Variants in ABRACL observed in about 807,000 individuals in gnomAD.
The protein encoded by ABRACL is costars family protein ABRACL.
ABRACL carries 4 observed loss-of-function variants against 7.0 expected under a neutral mutation model. That is an observed-to-expected ratio of 0.57 (90% confidence interval 0.28 to 1.30). The LOEUF is 1.30. Among genes scored for constraint, ABRACL ranks in the 50% most tolerant of loss-of-function variants. ABRACL has a pLI of 0.10. For missense variants in ABRACL, 104 were observed against 97.3 expected (o/e 1.07, Z -0.29); for synonymous variants, 30 against 36.0 (o/e 0.83, Z 0.60).
chr6:139,039,934 A>C (rs1786219699), intron 2 of ABRACL, among the ~76,000 whole-genome samples: 1 of 152,058 alleles, frequency 6.6e-6, no homozygotes, highest in Non-Finnish European at 1.5e-5. Flanking sequence ...ATTAAAAATA[A>C]AGATAAATTA....
Position 139,043,071 on chromosome 6 carries a change from T to C in ABRACL, c.*168T>C, listed in dbSNP as rs1786277825. On this transcript the variant is annotated 3_prime_UTR_variant, in exon 3 of 3. Coordinates refer to ENST00000367660, the MANE Select transcript of ABRACL (RefSeq NM_021243.3). ...TCCTTTTTTATATCTTGAAAGAAAA[T>C]CTATGTATGATGCTATAAAATAAAT... 2.0e-6 allele frequency: 1 copy of C among 500,174 alleles called. No individual in the cohort carries two copies. The highest frequency in any genetic ancestry group is 3.3e-6 in the Non-Finnish European group (1 of 300,790). 31.0% of individuals were successfully genotyped at this position (500,174 alleles called of 1,614,324 possible).
intron 1 of ABRACL, among the ~76,000 whole-genome samples, chr6:139,032,494 G>A (rs930469935): frequency 3.9e-5 from 6 of 151,996 alleles, no homozygotes; most frequent in South Asian, 2.1e-4. Context: ...TATAATATTC[G>A]CACAAGCAAC....
At chr6:139,035,230 A>G (rs1786136553) in intron 2 of ABRACL, among the ~76,000 whole-genome samples, 1 of 152,362 alleles carries the variant, frequency 6.6e-6, no homozygotes, top group Middle Eastern at 3.4e-3. Flanking sequence ...AGATTGCCAC[A>G]AATTTAGTGA....
At chr6:139,040,493 G>A (rs1043191545) in intron 2 of ABRACL, among the ~76,000 whole-genome samples, 3 of 152,120 alleles carry the variant, frequency 2.0e-5, no homozygotes, top group Admixed American at 6.5e-5. Flanking sequence ...CTCTATAAGA[G>A]GCTTTATCTT....
intron 1 of ABRACL, among the ~76,000 whole-genome samples, chr6:139,029,936 G>A (rs773288269): frequency 1.3e-5 from 2 of 152,148 alleles, no homozygotes; most frequent in Non-Finnish European, 2.9e-5. Flanking sequence ...ACATTCTAAA[G>A]TGTGTATTGG....
At chr6:139,029,126 C>T (rs1056219017) in intron 1 of ABRACL, among the ~76,000 whole-genome samples, 1 of 152,156 alleles carries the variant, frequency 6.6e-6, no homozygotes. Context: ...TTTCGCCGGC[C>T]GGGGGCGGAC....
intron 2 of ABRACL, among the ~76,000 whole-genome samples, chr6:139,036,028 C>G (rs1786151123): frequency 6.6e-6 from 1 of 151,898 alleles, no homozygotes; most frequent in Admixed American, 6.6e-5. Flanking sequence ...CGCTTGAACT[C>G]GGGAGGCGGA....
At chr6:139,033,620 C>T (rs1217124820) in intron 1 of ABRACL, among the ~76,000 whole-genome samples, 1 of 152,134 alleles carries the variant, frequency 6.6e-6, no homozygotes. Flanking sequence ...GTGCCCTACC[C>T]CACCAGTCTG....
chr6:139,038,731 AAGAC>A (rs1786201432), intron 2 of ABRACL, among the ~76,000 whole-genome samples: 2 of 152,304 alleles, frequency 1.3e-5, no homozygotes, highest in African/African-American at 4.8e-5. Flanking sequence ...AGGTAGCTGA[AAGAC>A]AGACAAACTG....
chr6:139,041,451 C>CTCTCTCTA (rs140091253), intron 2 of ABRACL, among the ~76,000 whole-genome samples: 27 of 110,036 alleles, frequency 2.5e-4, no homozygotes, highest in Non-Finnish European at 3.2e-4. Flanking sequence ...CTCTCTCTCT[C>CTCTCTCTA]TATATATATA....
intron 2 of ABRACL, among the ~76,000 whole-genome samples, chr6:139,041,794 T>C (rs1369953374): frequency 6.6e-6 from 1 of 152,128 alleles, no homozygotes; most frequent in Non-Finnish European, 1.5e-5. Context: ...AGAAAGTTAT[T>C]CTCTCTAGAA....
chr6:139,035,038 A>G (rs1404689538), intron 2 of ABRACL, among the ~76,000 whole-genome samples: 1 of 152,246 alleles, frequency 6.6e-6, no homozygotes, highest in African/African-American at 2.4e-5. Context: ...TGTAAGTGAA[A>G]AACAGTTCTA....
At chr6:139,031,535 T>C (rs1314753911) in intron 1 of ABRACL, among the ~76,000 whole-genome samples, 3 of 152,188 alleles carry the variant, frequency 2.0e-5, no homozygotes, top group Non-Finnish European at 4.4e-5. Flanking sequence ...TACCGGTTCA[T>C]GTAGTTGGAA....
intron 2 of ABRACL, among the ~76,000 whole-genome samples, chr6:139,041,208 A>G (rs1786237880): frequency 6.6e-6 from 1 of 152,026 alleles, no homozygotes; most frequent in Non-Finnish European, 1.5e-5. Flanking sequence ...CTTCCTTACC[A>G]TTCTTGCCCA....
chr6:139,035,120 G>A (rs952579437), intron 2 of ABRACL, among the ~76,000 whole-genome samples: 1 of 152,180 alleles, frequency 6.6e-6, no homozygotes, highest in African/African-American at 2.4e-5. Flanking sequence ...ATCTGTTCCT[G>A]AATCACAAAT....
intron 2 of ABRACL, among the ~76,000 whole-genome samples, chr6:139,035,572 TC>T (rs1188402135): frequency 3.3e-5 from 5 of 151,938 alleles, no homozygotes; most frequent in African/African-American, 1.2e-4. Context: ...AACCTCCGCC[TC>T]CCGGGTTCAA....
In ABRACL at chr6:139,042,999, T is replaced by C. The variant is rs1394694388; in HGVS notation, c.*96T>C. On this transcript the variant is annotated 3_prime_UTR_variant, in exon 3 of 3. Coordinates refer to ENST00000367660, the MANE Select transcript of ABRACL (RefSeq NM_021243.3). ...AACATTTGAACATACTTAATGTATTTTTATAGAACTTTGTAAACGAAAGGA... is the reference window on the plus strand; with the variant it reads ...AACATTTGAACATACTTAATGTATTCTTATAGAACTTTGTAAACGAAAGGA... 6 of 1,059,920 alleles carry C rather than the reference T, an allele frequency of 5.7e-6. No homozygotes were observed. The highest frequency in any genetic ancestry group is 6.5e-6 in the Non-Finnish European group (5 of 769,958). 65.7% of individuals were successfully genotyped at this position (1,059,920 alleles called of 1,614,324 possible). A position where few individuals can be genotyped will look rare whatever the true frequency, so the allele number is the denominator to read the frequency against.
rs370701225 is a variant in ABRACL at position 139,042,903 on chromosome 6, A to G, written c.246A>G (p.Ter82=). The G allele has an allele frequency of 2.2e-5, 35 of 1,605,948 alleles. No homozygotes were observed. Among genetic ancestry groups the G allele is most frequent in the Non-Finnish European group, 3.0e-5 (35 of 1,176,532 alleles). The change falls in exon 3 of 3, where the codon TAA becomes TAG. Residue 82 remains the stop codon, a stop_retained_variant. Transcript: ENST00000367660. ...DDVDIILLQD[*] ...TTGACATTATATTACTGCAAGATTA[A>G]TGTGGTTTACATATCTTTATGTACT...
intron 2 of ABRACL, among the ~76,000 whole-genome samples, chr6:139,037,079 C>T (rs1786170687): frequency 6.6e-6 from 1 of 151,612 alleles, no homozygotes; most frequent in African/African-American, 2.4e-5. Flanking sequence ...CAATATGGTC[C>T]CTTCAAAATA....
Sources: gnomAD v4.1 joint callset for allele counts (sites outside exome capture counted in the v4.1 genomes callset) on GRCh38, gnomAD v4.1.1 for gene constraint, MANE v1.5 for transcripts, NCBI Gene and HGNC (gene_info 2026-07-23, HGNC 2026-07-21) for gene names.